ACACB: variants seen among roughly 807,000 people sequenced by gnomAD.
ACACB encodes the protein acetyl-CoA carboxylase 2.
Under a neutral mutation model 278.8 loss-of-function variants are expected in ACACB, and 209 were observed. The ratio of observed to expected loss-of-function variants is 0.75; its 90% CI spans 0.67 to 0.84. ACACB has a LOEUF of 0.84. Ranked by LOEUF, ACACB falls within the 40% of genes least tolerant of loss-of-function variation. The pLI is 0.00. For synonymous variants in ACACB, 1,174 were observed against 1,285.6 expected (o/e 0.91, Z 1.86); for missense variants, 2,850 against 3,269.0 (o/e 0.87, Z 3.13).
intron 13 of ACACB, among the ~76,000 whole-genome samples, chr12:109,189,124 T>C (rs2044773666): frequency 6.6e-6 from 1 of 152,058 alleles, no homozygotes; most frequent in Non-Finnish European, 1.5e-5. Flanking sequence ...TTGACATGGG[T>C]GTGGAAAGGT....
At chr12:109,250,225 T>TA (rs1370591889) in intron 41 of ACACB, 121 bp downstream of exon 41, 11 of 1,069,366 alleles carry the variant, frequency 1.0e-5, no homozygotes, top group African/African-American at 1.6e-5. Context: ...CTCCTACAGT[T>TA]ACCACATGCC....
At chr12:109,175,560 C>A (rs531352355) in intron 7 of ACACB, among the ~76,000 whole-genome samples, 1 of 152,152 alleles carries the variant, frequency 6.6e-6, no homozygotes, top group Non-Finnish European at 1.5e-5. Flanking sequence ...GGACTACAGG[C>A]CCATGCCACC....
chr12:109,204,028 TA>T (rs960087682), intron 19 of ACACB, among the ~76,000 whole-genome samples: 74 of 151,952 alleles, frequency 4.9e-4, no homozygotes, highest in South Asian at 1.5e-3. Flanking sequence ...TTTTCTTTTT[TA>T]AAAAAATTAT....
intron 37 of ACACB, among the ~76,000 whole-genome samples, chr12:109,243,192 T>A (rs933621400): frequency 3.9e-5 from 6 of 152,234 alleles, no homozygotes; most frequent in African/African-American, 7.2e-5. Context: ...CTGGTCTTTT[T>A]AATGGTCATT....
At chr12:109,146,571 C>A (rs1181674507) in intron 2 of ACACB, among the ~76,000 whole-genome samples, 1 of 152,194 alleles carries the variant, frequency 6.6e-6, no homozygotes, top group African/African-American at 2.4e-5. Flanking sequence ...TTCTCCCAAC[C>A]CCTGAACCCA....
At chr12:109,146,590 A>G (rs1464103632) in intron 2 of ACACB, among the ~76,000 whole-genome samples, 1 of 152,142 alleles carries the variant, frequency 6.6e-6, no homozygotes, top group African/African-American at 2.4e-5. Context: ...CAGACCTCCC[A>G]CCAGGGCCAG....
intron 34 of ACACB, among the ~76,000 whole-genome samples, chr12:109,238,333 C>A (rs1459632222): frequency 4.9e-5 from 7 of 142,716 alleles, no homozygotes; most frequent in African/African-American, 1.8e-4. Flanking sequence ...CATGGATGTA[C>A]CGTGTATAAT....
rs777542954 is a variant in ACACB at position 109,259,032 on chromosome 12, C to T, written c.6420C>T (p.Ala2140=). The change falls in exon 47 of 53, where the codon GCC becomes GCT. Residue 2140 remains alanine, a synonymous_variant. Coordinates refer to ENST00000338432, the MANE Select transcript of ACACB (RefSeq NM_001093.4). The part of the protein sequence containing the change: ...FPDSAYKTAQ[A]VKDFNREKLP... ...ACTCAGCCTACAAAACCGCCCAGGC[C>T]GTCAAGGACTTCAACCGGGAGAAGT... is the stretch of plus-strand genomic sequence containing the variant. 4 of 1,614,034 alleles carry T rather than the reference C, an allele frequency of 2.5e-6. No homozygotes were observed. Among genetic ancestry groups the T allele is most frequent in the Admixed American group, 3.3e-5 (2 of 60,008 alleles).
chr12:109,137,153 A>C (rs1248269921), intron 1 of ACACB, among the ~76,000 whole-genome samples: 2 of 151,796 alleles, frequency 1.3e-5, no homozygotes, highest in African/African-American at 4.8e-5. Flanking sequence ...ACATTGAGCC[A>C]CCCTTGACTG....
chr12:109,201,545 A>G, intron 18 of ACACB, 22 bp from the exon 19 acceptor site: 2 of 1,613,658 alleles, frequency 1.2e-6, no homozygotes, highest in Non-Finnish European at 8.5e-7. Context: ...GCTCTGTACT[A>G]TTTCTTCTTT....
intron 4 of ACACB, among the ~76,000 whole-genome samples, chr12:109,168,652 C>CA: frequency 6.6e-6 from 1 of 151,496 alleles, no homozygotes; most frequent in Non-Finnish European, 1.5e-5. Context: ...CCTGTCTCTA[C>CA]AAAAAATAAA....
chr12:109,194,651 C>T (rs1040884607), intron 16 of ACACB, among the ~76,000 whole-genome samples: 38 of 129,234 alleles, frequency 2.9e-4, no homozygotes, highest in African/African-American at 9.4e-4. Context: ...TGTGTGTGTT[C>T]ACATTATCTT....
At chr12:109,151,635 C>T (rs1357531333) in intron 2 of ACACB, among the ~76,000 whole-genome samples, 2 of 152,170 alleles carry the variant, frequency 1.3e-5, no homozygotes, top group Non-Finnish European at 2.9e-5. Context: ...AGTCTTTCTA[C>T]CACGCTGCTG....
intron 19 of ACACB, among the ~76,000 whole-genome samples, chr12:109,206,470 C>A (rs1235675559): frequency 6.7e-6 from 1 of 149,564 alleles, no homozygotes; most frequent in Non-Finnish European, 1.5e-5. Context: ...CCCCACAAAA[C>A]TGTCTGGGGT....
chr12:109,156,529 T>TA (rs924453779), intron 2 of ACACB, among the ~76,000 whole-genome samples: 95 of 149,334 alleles, frequency 6.4e-4, no homozygotes, highest in Admixed American at 8.0e-4. Context: ...CCCTGTCTCT[T>TA]AAAAAAAAAG....
In ACACB at chr12:109,235,300, G is replaced by T; in HGVS notation, c.4348-13G>T. On this transcript the variant is annotated splice_polypyrimidine_tract_variant and intron_variant, in intron 31 of 52. Coordinates refer to ENST00000338432, the MANE Select transcript of ACACB (RefSeq NM_001093.4). ...CAAATAATATTCCATTGTGTCTTTG[G>T]TTTTTAATGCAGAAAAATATCCTTG... 2 of 1,613,140 alleles carry T rather than the reference G, an allele frequency of 1.2e-6. No individual in the cohort carries two copies. Among genetic ancestry groups the T allele is most frequent in the Non-Finnish European group, 1.7e-6 (2 of 1,179,222 alleles).
chr12:109,259,923 G>T (rs1416273563), intron 47 of ACACB: 4 of 496,498 alleles, frequency 8.1e-6, no homozygotes, highest in African/African-American at 5.9e-5. Context: ...TGACATCACT[G>T]AGCCTCAGTT....
intron 9 of ACACB, among the ~76,000 whole-genome samples, chr12:109,178,858 C>G (rs1231638558): frequency 1.3e-5 from 2 of 152,108 alleles, no homozygotes; most frequent in Non-Finnish European, 2.9e-5. Flanking sequence ...ATTGTTCTTC[C>G]CCACCTGGGG....
chr12:109,264,426 C>T, intron 50 of ACACB, 40 bp downstream of exon 50: 1 of 1,608,632 alleles, frequency 6.2e-7, no homozygotes. Flanking sequence ...AAAGAGCCCA[C>T]CCTGTTTTCC....
Sources: gnomAD v4.1 joint callset for allele counts (sites outside exome capture counted in the v4.1 genomes callset) on GRCh38, gnomAD v4.1.1 for gene constraint, MANE v1.5 for transcripts, NCBI Gene and HGNC (gene_info 2026-07-23, HGNC 2026-07-21) for gene names.